RAB5B: variants seen among roughly 807,000 people sequenced by gnomAD.
The protein encoded by RAB5B is ras-related protein Rab-5B.
RAB5B carries 11 observed loss-of-function variants against 28.6 expected under a neutral mutation model. That is an observed-to-expected ratio of 0.38 (90% CI 0.24 to 0.64). RAB5B has a LOEUF of 0.64. Ranked by LOEUF, RAB5B falls within the 30% of genes least tolerant of loss-of-function variation. The probability of loss-of-function intolerance (pLI) is 0.53; values close to 1 mark genes in which losing one functional copy is unlikely to be tolerated. For synonymous variants in RAB5B, 93 were observed against 97.9 expected (o/e 0.95, Z 0.29); for missense variants, 169 against 265.6 (o/e 0.64, Z 2.53).
chr12:55,986,620 A>G (rs995058434), intron 1 of RAB5B, among the ~76,000 whole-genome samples: 2 of 152,150 alleles, frequency 1.3e-5, no homozygotes, highest in Non-Finnish European at 2.9e-5. Flanking sequence ...GGGGAATTAA[A>G]AACTCTCAGT....
chr12:55,991,067 A>G (rs1890102334), intron 4 of RAB5B: 1 of 530,168 alleles, frequency 1.9e-6, no homozygotes, highest in Non-Finnish European at 3.4e-6. Flanking sequence ...GGAGGGAGCA[A>G]TTAAATTTGT....
At chr12:55,990,590 T>A in intron 3 of RAB5B, 92 bp from the exon 4 acceptor site, 1 of 1,521,160 alleles carries the variant, frequency 6.6e-7, no homozygotes, top group Non-Finnish European at 9.0e-7. Context: ...GAAGACCACC[T>A]AGAAGAGGTG....
chr12:55,985,589 T>C, intron 1 of RAB5B: 1 of 405,130 alleles, frequency 2.5e-6, no homozygotes. Context: ...CTCTGTTCCC[T>C]GCCCCACCAG....
In RAB5B at chr12:55,992,773, T is replaced by A. The variant is rs1205606974; in HGVS notation, c.*561T>A. 1 of 299,772 alleles carries A rather than the reference T, an allele frequency of 3.3e-6. No individual in the cohort carries two copies. Among genetic ancestry groups the A allele is most frequent in the East Asian group, 1.4e-4 (1 of 7,082 alleles). The allele number at this position is 299,772 out of a possible 1,614,324, so 18.6% of individuals were successfully genotyped here. A position where few individuals can be genotyped will look rare whatever the true frequency, so the allele number is the denominator to read the frequency against. On this transcript the variant is annotated 3_prime_UTR_variant, in exon 6 of 6. Coordinates refer to ENST00000360299, the MANE Select transcript of RAB5B (RefSeq NM_002868.4). ...TTTTTGTTTTTATTTGGTTGGAGTT[T>A]CTCATATTTGAAAACATTGCGGTAT...
intron 4 of RAB5B, chr12:55,991,039 C>A: frequency 1.8e-6 from 1 of 550,550 alleles, no homozygotes; most frequent in Non-Finnish European, 3.2e-6. Flanking sequence ...TGTGGGGGTA[C>A]CAGTGTGAAA....
intron 1 of RAB5B, among the ~76,000 whole-genome samples, chr12:55,976,274 T>C (rs1390493703): frequency 2.0e-5 from 3 of 152,196 alleles, no homozygotes; most frequent in African/African-American, 7.2e-5. Flanking sequence ...TCTAGTCTTA[T>C]TCTTTCTACA....
intron 4 of RAB5B, 28 bp from the exon 5 acceptor site, chr12:55,991,332 G>T: frequency 6.4e-7 from 1 of 1,554,288 alleles, no homozygotes; most frequent in South Asian, 1.1e-5. Flanking sequence ...CCTACATTCT[G>T]AGCACTAATA....
intron 4 of RAB5B, 175 bp downstream of exon 4, chr12:55,990,979 C>T: frequency 1.2e-6 from 1 of 846,108 alleles, no homozygotes; most frequent in Non-Finnish European, 1.8e-6. Flanking sequence ...AGGAGATTTT[C>T]AAAGGAGTCA....
chr12:55,990,843 T>C (rs1890092964), intron 4 of RAB5B, 39 bp downstream of exon 4: 2 of 1,603,822 alleles, frequency 1.2e-6, no homozygotes, highest in Non-Finnish European at 1.7e-6. Context: ...ACACTTCCTC[T>C]GTTCCTGGGA....
At chr12:55,984,180 G>A (rs1268155378) in intron 1 of RAB5B, among the ~76,000 whole-genome samples, 1 of 150,464 alleles carries the variant, frequency 6.6e-6, no homozygotes, top group Non-Finnish European at 1.5e-5. Flanking sequence ...AACCACACCC[G>A]GCTAATTTTT....
At chr12:55,980,582 C>G in intron 1 of RAB5B, 1 of 1,597,626 alleles carries the variant, frequency 6.3e-7, no homozygotes, top group Non-Finnish European at 8.6e-7. Flanking sequence ...GGATTTAGCA[C>G]TAGTTTCGAA....
Position 55,992,430 on chromosome 12 carries a change from T to A in RAB5B, c.*218T>A, listed in dbSNP as rs1309556101. ...GCCTCCTACCCCCTACTCTGGGGCT[T>A]GGGGGTCAACTCCCCCCAGGACTTA... On this transcript the variant is annotated 3_prime_UTR_variant, in exon 6 of 6. Transcript: ENST00000360299. The A allele has an allele frequency of 4.4e-6, 3 of 681,554 alleles. No individual in the cohort carries two copies. Among genetic ancestry groups the A allele is most frequent in the Non-Finnish European group, 8.0e-6 (3 of 373,430 alleles). 42.2% of individuals were successfully genotyped at this position (681,554 alleles called of 1,614,324 possible). A position where few individuals can be genotyped will look rare whatever the true frequency, so the allele number is the denominator to read the frequency against.
At position 55,994,515 on chromosome 12, in the gene RAB5B, G is replaced by C. The variant is rs1890231709; in HGVS notation, c.*2303G>C. On this transcript the variant is annotated 3_prime_UTR_variant, in exon 6 of 6. Coordinates refer to ENST00000360299, the MANE Select transcript of RAB5B (RefSeq NM_002868.4). Reference sequence around the variant, plus strand: ...GGCTTGGGGATCTTAGTTTTCTTTTGTTTATTTCCCAGCTCATTTTTTTCT... The same window carrying C: ...GGCTTGGGGATCTTAGTTTTCTTTTCTTTATTTCCCAGCTCATTTTTTTCT... The C allele has an allele frequency of 6.6e-6, 1 of 151,600 alleles. No individual in the cohort carries two copies. Among genetic ancestry groups the C allele is most frequent in the Non-Finnish European group, 1.5e-5 (1 of 67,908 alleles). The allele number at this position is 151,600 out of a possible 1,614,324, so 9.4% of individuals were successfully genotyped here.
In RAB5B at chr12:55,991,381, G is replaced by A. The variant is rs1890114670; in HGVS notation, c.460G>A (p.Asp154Asn). ...EYEEAQAYAD[D>N]NSLLFMETSA... Reference sequence around the variant, plus strand: ...GCAGGAGGCCCAGGCATATGCAGATGACAACAGCTTATTGTTCATGGAGAC... The same window carrying A: ...GCAGGAGGCCCAGGCATATGCAGATAACAACAGCTTATTGTTCATGGAGAC... Residue 154 changes from aspartate (D) to asparagine (N), a missense_variant, in exon 5 of 6, where the codon GAC becomes AAC. Asp to Asn is a conservative substitution (Grantham distance 23). This residue lies in a region of RAB5B where 123 missense variants were observed against 162.4 expected (regional missense o/e 0.76). Coordinates refer to ENST00000360299, the MANE Select transcript of RAB5B (RefSeq NM_002868.4). The A allele has an allele frequency of 6.2e-7, 1 of 1,614,018 alleles. No homozygotes were observed. The highest frequency in any genetic ancestry group is 8.5e-7 in the Non-Finnish European group (1 of 1,179,910).
intron 1 of RAB5B, among the ~76,000 whole-genome samples, chr12:55,975,926 A>AT (rs1231110569): frequency 6.8e-6 from 1 of 146,372 alleles, no homozygotes; most frequent in Non-Finnish European, 1.5e-5. Flanking sequence ...TAATTTTTGT[A>AT]TTTTTAGTAG....
chr12:55,979,958 A>T (rs756094262), intron 1 of RAB5B, among the ~76,000 whole-genome samples: 4 of 151,982 alleles, frequency 2.6e-5, no homozygotes, highest in Non-Finnish European at 4.4e-5. Flanking sequence ...TTTATTTTTT[A>T]TTTATTTATT....
At position 55,996,657 on chromosome 12, in the gene RAB5B, C is replaced by A. The variant is rs535368901; in HGVS notation, c.*4445C>A. ...AAGGGGCGATTATTATTTTTTTTTT[C>A]TACGCAAAATAAAAGACGGCTATTC... On this transcript the variant is annotated 3_prime_UTR_variant, in exon 6 of 6. Transcript: ENST00000360299. The A allele has an allele frequency of 6.6e-6, 1 of 151,468 alleles. No individual in the cohort carries two copies. Among genetic ancestry groups the A allele is most frequent in the South Asian group, 2.1e-4 (1 of 4,812 alleles). 9.4% of individuals were successfully genotyped at this position (151,468 alleles called of 1,614,324 possible).
intron 2 of RAB5B, among the ~76,000 whole-genome samples, chr12:55,988,659 A>AT (rs1399291639): frequency 1.3e-5 from 2 of 152,078 alleles, no homozygotes; most frequent in Non-Finnish European, 2.9e-5. Context: ...ACATACCACC[A>AT]TGCCCGGCTA....
rs1890275584 is a variant in RAB5B, at chr12:55,995,917, T to TTCTCTCTCTCTCCCTATTTCTCCC, written c.*3720_*3721insATTTCTCCCTCTCTCTCTCTCCCT. 2.1e-5 allele frequency: 3 copies of TTCTCTCTCTCTCCCTATTTCTCCC among 141,512 alleles called. No individual in the cohort carries two copies. The highest frequency in any genetic ancestry group is 3.1e-5 in the Non-Finnish European group (2 of 64,950). The allele number at this position is 141,512 out of a possible 1,614,324, so 8.8% of individuals were successfully genotyped here. ...TTTTTTTTTTAGGTTGAAGCTCGCT[T>TTCTCTCTCTCTCCCTATTTCTCCC]TCTCTCTCTCTCCCTCTTTCTCCCT... On this transcript the variant is annotated 3_prime_UTR_variant, in exon 6 of 6. Coordinates refer to ENST00000360299, the MANE Select transcript of RAB5B (RefSeq NM_002868.4).
Sources: allele counts gnomAD v4.1 joint callset (sites outside exome capture counted in the v4.1 genomes callset), GRCh38; gene constraint gnomAD v4.1.1; regional missense constraint gnomAD v4.1.1; transcripts MANE v1.5; gene names NCBI Gene and HGNC (gene_info 2026-07-23, HGNC 2026-07-21).